Variants in UCN3 observed in about 807,000 individuals in gnomAD.
UCN3 encodes urocortin 3, also known as urocortin-3.
UCN3 carries 3 observed loss-of-function variants against 3.6 expected under a neutral mutation model. That is an observed-to-expected ratio of 0.83 (90% CI 0.38 to 2.15). UCN3 has a LOEUF of 2.15. UCN3 is among the 30% of genes most tolerant of loss of function. The pLI is 0.06. For synonymous variants in UCN3, 100 were observed against 93.2 expected, an observed-to-expected ratio of 1.07 and a Z score of -0.42; for missense variants, 206 against 208.3, an observed-to-expected ratio of 0.99 and a Z score of 0.07.
At chr10:5,370,126 T>C (rs1399344138) in intron 1 of UCN3, among the ~76,000 whole-genome samples, 5 of 95,840 alleles carry the variant, frequency 5.2e-5, no homozygotes, top group African/African-American at 2.1e-4. Flanking sequence ...TGTGTATGTG[T>C]GTGTATGTGT....
chr10:5,370,109 ATATGTG>A (rs1831338206), intron 1 of UCN3, among the ~76,000 whole-genome samples: 1 of 58,196 alleles, frequency 1.7e-5, no homozygotes, highest in African/African-American at 9.3e-5. Flanking sequence ...ATGCGTGTGT[ATATGTG>A]TGTGTATGTG....
intron 1 of UCN3, among the ~76,000 whole-genome samples, chr10:5,370,041 ATATGCGTGTG>A (rs1831332093): frequency 1.4e-5 from 1 of 73,424 alleles, no homozygotes; most frequent in African/African-American, 6.8e-5. Context: ...ATGCGTGTGT[ATATGCGTGTG>A]TATGTGTGTG....
rs1471827075 is a variant in UCN3, at chr10:5,369,939, A to G, written c.-6-3776A>G. On this transcript the variant is annotated intron_variant, in intron 1 of 1. Transcript: ENST00000380433. Reference sequence around the variant, plus strand: ...TATGTGTGTGTATGTGTGTGTGTGTATGTGTGTGTATATGTGTGTGTATAT... The same window carrying G: ...TATGTGTGTGTATGTGTGTGTGTGTGTGTGTGTGTATATGTGTGTGTATAT... Among the ~76,000 whole-genome samples the G allele has an allele frequency of 9.4e-3, 609 of 65,116 alleles. 4 individuals are homozygous for G. The highest frequency in any genetic ancestry group is 0.012 in the East Asian group (21 of 1,798). The allele number at this position is 65,116 out of a possible 152,430, so 42.7% of individuals were successfully genotyped here. A position where few individuals can be genotyped will look rare whatever the true frequency, so the allele number is the denominator to read the frequency against.
chr10:5,370,223 G>GTGTGTGTGTA lies in UCN3; in HGVS notation c.-6-3490_-6-3489insTGTGTGTATG, dbSNP rs781842004. Among the ~76,000 whole-genome samples the GTGTGTGTGTA allele has an allele frequency of 2.1e-3, 29 of 13,768 alleles. 6 individuals are homozygous for GTGTGTGTGTA. The highest frequency in any genetic ancestry group is 0.056 in the Middle Eastern group (1 of 18). 9.0% of individuals were successfully genotyped at this position (13,768 alleles called of 152,430 possible). The stretch of plus-strand genomic sequence containing the variant: ...TATATGCGTGTGTATGTGTGTGTAT[G>GTGTGTGTGTA]TGCGTGTGTGTATGCGTGTGTGTAT... On this transcript the variant is annotated intron_variant, in intron 1 of 1. Coordinates refer to ENST00000380433, the MANE Select transcript of UCN3 (RefSeq NM_053049.4).
intron 1 of UCN3, 136 bp from the exon 2 acceptor site, chr10:5,373,579 G>A: frequency 7.3e-7 from 1 of 1,372,102 alleles, no homozygotes; most frequent in Non-Finnish European, 9.8e-7. Context: ...CCGGGCTGAT[G>A]CTGCTGGTCT....
At chr10:5,370,791 A>ATGCGTGTGTGTG (rs1831396603) in intron 1 of UCN3, among the ~76,000 whole-genome samples, 2 of 101,100 alleles carry the variant, frequency 2.0e-5, no homozygotes, top group African/African-American at 9.2e-5. Flanking sequence ...GTGTGTGTGT[A>ATGCGTGTGTGTG]TGCGTGTGTA....
At chr10:5,370,818 TGTGTGCGCGC>T (rs1486735239) in intron 1 of UCN3, among the ~76,000 whole-genome samples, 2 of 110,032 alleles carry the variant, frequency 1.8e-5, no homozygotes, top group Admixed American at 1.0e-4. Context: ...TGTGTGCGTG[TGTGTGCGCGC>T]GTGTGTGTGC....
chr10:5,373,733 G>A lies in UCN3; in HGVS notation c.13G>A (p.Val5Ile). 1 of 1,613,530 alleles carries A rather than the reference G, an allele frequency of 6.2e-7. No individual in the cohort carries two copies. The change falls in exon 2 of 2, where the codon GTC (valine) becomes ATC (isoleucine). Residue 5 changes from valine to isoleucine, a missense_variant. Physicochemically the swap from Val to Ile is conservative, Grantham distance 29. Coordinates refer to ENST00000380433, the MANE Select transcript of UCN3 (RefSeq NM_053049.4). Reference protein sequence around the residue: MLMPVHFLLLLLLLL... With the variant: MLMPIHFLLLLLLLL... ...GCTGCAGGGAGAGATGCTGATGCCG[G>A]TCCACTTCCTGCTGCTCCTGCTGCT...
At chr10:5,370,857 GTGTGCGTGTGTATGTGTGTGTA>G (rs1831405591) in intron 1 of UCN3, among the ~76,000 whole-genome samples, 3 of 99,752 alleles carry the variant, frequency 3.0e-5, no homozygotes, top group African/African-American at 1.2e-4. Flanking sequence ...GTGCGCGTGT[GTGTGCGTGTGTATGTGTGTGTA>G]TATGCGTGTG....
chr10:5,374,233 G>T lies in UCN3; in HGVS notation c.*27G>T. On this transcript the variant is annotated 3_prime_UTR_variant, in exon 2 of 2. Transcript: ENST00000380433. ...GGCGGAGGCTGGACGGGAGGGCAGCGGGGTGGGGAGGGGGAGGGGAGGGGG... is the reference window on the plus strand; with the variant it reads ...GGCGGAGGCTGGACGGGAGGGCAGCTGGGTGGGGAGGGGGAGGGGAGGGGG... The T allele has an allele frequency of 1.2e-6, 1 of 860,048 alleles. No homozygotes were observed. Among genetic ancestry groups the T allele is most frequent in the Non-Finnish European group, 1.8e-6 (1 of 566,270 alleles). The allele number at this position is 860,048 out of a possible 1,614,324, so 53.3% of individuals were successfully genotyped here. A position where few individuals can be genotyped will look rare whatever the true frequency, so the allele number is the denominator to read the frequency against.
At chr10:5,373,096 C>T (rs1215709530) in intron 1 of UCN3, among the ~76,000 whole-genome samples, 1 of 152,160 alleles carries the variant, frequency 6.6e-6, no homozygotes, top group East Asian at 1.9e-4. Context: ...ACCAAGCTGA[C>T]TTTGGCTTCA....
In UCN3 at chr10:5,367,429, A is replaced by G. The variant is rs1379348050; in HGVS notation, c.-7+2199A>G. Reference sequence around the variant, plus strand: ...AAAAGAGGTTGTTTTGCTTTGGAAAATAAATTGATTTAATTAAGTGCCTGA... The same window carrying G: ...AAAAGAGGTTGTTTTGCTTTGGAAAGTAAATTGATTTAATTAAGTGCCTGA... On this transcript the variant is annotated intron_variant, in intron 1 of 1. Coordinates refer to ENST00000380433, the MANE Select transcript of UCN3 (RefSeq NM_053049.4). This position sits in a 1 kb window ranked among gnomAD's most constrained non-coding sequence, Gnocchi z 4.3. 6.6e-6 allele frequency among the ~76,000 whole-genome samples: 1 copy of G among 152,238 alleles called. No homozygotes were observed. Among genetic ancestry groups the G allele is most frequent in the Non-Finnish European group, 1.5e-5 (1 of 68,044 alleles).
chr10:5,371,349 C>T (rs1222425999), intron 1 of UCN3, among the ~76,000 whole-genome samples: 2 of 148,122 alleles, frequency 1.4e-5, no homozygotes, highest in African/African-American at 5.2e-5. Flanking sequence ...CACATGTGTG[C>T]ATGTATATAT....
Position 5,365,139 on chromosome 10 carries a change from G to T in UCN3, c.-98G>T. On this transcript the variant is annotated 5_prime_UTR_variant, in exon 1 of 2. Coordinates refer to ENST00000380433, the MANE Select transcript of UCN3 (RefSeq NM_053049.4). This position sits in a 1 kb window ranked among gnomAD's most constrained non-coding sequence, Gnocchi z 4.4. Reference sequence around the variant, plus strand: ...AGCCGAGACCCCGGAGCAGCCACAAGTTCATGGGGACGTGCACGGGGCCGC... The same window carrying T: ...AGCCGAGACCCCGGAGCAGCCACAATTTCATGGGGACGTGCACGGGGCCGC... 1 of 152,482 alleles carries T rather than the reference G, an allele frequency of 6.6e-6. No homozygotes were observed. The highest frequency in any genetic ancestry group is 2.1e-4 in the South Asian group (1 of 4,834). The allele number at this position is 152,482 out of a possible 1,614,324, so 9.4% of individuals were successfully genotyped here.
intron 1 of UCN3, among the ~76,000 whole-genome samples, chr10:5,369,410 A>G (rs1554810981): frequency 6.6e-6 from 1 of 152,230 alleles, no homozygotes; most frequent in East Asian, 1.9e-4. Context: ...ACACACATTG[A>G]CGTTTCTCAT....
At chr10:5,370,293 G>GTGTGTGTGTATGTGTGTGTGTA (rs1831353379) in intron 1 of UCN3, among the ~76,000 whole-genome samples, 2 of 37,936 alleles carry the variant, frequency 5.3e-5, no homozygotes, top group Admixed American at 3.2e-4. Context: ...ATGCGTGTGT[G>GTGTGTGTGTATGTGTGTGTGTA]TATGCGTGTG....
At position 5,370,221 on chromosome 10, in the gene UCN3, ATGTGCGTGTGTG is replaced by A. The variant is rs1831348084; in HGVS notation, c.-6-3492_-6-3481del. Among the ~76,000 whole-genome samples the A allele has an allele frequency of 8.6e-4, 12 of 13,984 alleles. 2 individuals are homozygous for A. Among genetic ancestry groups the A allele is most frequent in the Non-Finnish European group, 1.5e-3 (12 of 7,816 alleles). The allele number at this position is 13,984 out of a possible 152,430, so 9.2% of individuals were successfully genotyped here. ...TGTATATGCGTGTGTATGTGTGTGTATGTGCGTGTGTGTATGCGTGTGTGTATGCGTGTGTAT... is the reference window on the plus strand; with the variant it reads ...TGTATATGCGTGTGTATGTGTGTGTATATGCGTGTGTGTATGCGTGTGTAT... On this transcript the variant is annotated intron_variant, in intron 1 of 1. Coordinates refer to ENST00000380433, the MANE Select transcript of UCN3 (RefSeq NM_053049.4).
At chr10:5,370,180 C>T (rs868913452) in intron 1 of UCN3, among the ~76,000 whole-genome samples, 176 of 14,320 alleles carry the variant, frequency 0.012, 22 homozygotes, top group Admixed American at 0.013. Context: ...TGTGTATATG[C>T]GTGTGTATAT....
intron 1 of UCN3, among the ~76,000 whole-genome samples, chr10:5,370,655 ATGTG>A (rs1277584252): frequency 1.8e-5 from 1 of 56,770 alleles, no homozygotes; most frequent in Non-Finnish European, 2.8e-5. Context: ...ATGTGTGTGT[ATGTG>A]TGTGTATGTG....
Sources: gnomAD v4.1 joint callset for allele counts (sites outside exome capture counted in the v4.1 genomes callset) on GRCh38, gnomAD v4.1.1 for gene constraint, Gnocchi (gnomAD v3.1) non-coding constraint, MANE v1.5 for transcripts, NCBI Gene and HGNC (gene_info 2026-07-23, HGNC 2026-07-21) for gene names.